Variants in ADRM1 observed in about 807,000 individuals in gnomAD.
ADRM1 encodes proteasomal ubiquitin receptor ADRM1.
Under a neutral mutation model 40.1 loss-of-function variants are expected in ADRM1, and 2 were observed. That is an observed-to-expected ratio of 0.05 (90% CI 0.02 to 0.16). The LOEUF (loss-of-function observed/expected upper bound fraction) is 0.16. ADRM1 is among the 10% of genes least tolerant of loss of function. The probability of loss-of-function intolerance (pLI) is 1.00; values close to 1 mark genes in which losing one functional copy is unlikely to be tolerated. For missense variants in ADRM1, 467 were observed against 552.5 expected (o/e 0.85, Z 1.55); for synonymous variants, 287 against 240.4 (o/e 1.19, Z -1.79).
Position 62,308,162 on chromosome 20 carries a change from C to T in ADRM1, c.998C>T (p.Ser333Leu), listed in dbSNP as rs747640477. Residue 333 changes from serine (S) to leucine (L), a missense_variant, in exon 8 of 10, where the codon TCG (serine) becomes TTG (leucine). Physicochemically the swap from Ser to Leu is moderately radical, Grantham distance 145. Around this residue, in one of 3 missense-constraint regions of ADRM1, gnomAD observed 418 missense variants for 474.6 expected, o/e 0.88. Transcript: ENST00000253003. ...GATGAGATCCAGAATACCCTGACCT[C>T]GCCCCAGTTCCAGCAGGTAGAGGCC... ...TADEIQNTLT[S>L]PQFQQALGMF... 7.5e-6 allele frequency: 12 copies of T among 1,604,220 alleles called. No homozygotes were observed. Among genetic ancestry groups the T allele is most frequent in the African/African-American group, 1.3e-5 (1 of 74,916 alleles).
At chr20:62,308,616 A>C (rs1300778188) in intron 9 of ADRM1, 39 bp from the exon 10 acceptor site, 5 of 1,610,044 alleles carry the variant, frequency 3.1e-6, no homozygotes, top group Non-Finnish European at 3.4e-6. Flanking sequence ...AGTTCTGGGC[A>C]AGGGTTAGAC....
intron 3 of ADRM1, 69 bp from the exon 4 acceptor site, chr20:62,306,128 G>A: frequency 6.4e-7 from 1 of 1,565,172 alleles, no homozygotes; most frequent in Non-Finnish European, 8.7e-7. Flanking sequence ...AGCCAGGTCA[G>A]AGGATGGCTG....
intron 3 of ADRM1, chr20:62,305,881 G>A (rs1340092742): frequency 3.2e-5 from 11 of 344,552 alleles, no homozygotes; most frequent in Non-Finnish European, 5.0e-5. Flanking sequence ...AGGGCAGGAG[G>A]GTGAGAGGGC....
intron 3 of ADRM1, 73 bp from the exon 4 acceptor site, chr20:62,306,124 G>T: frequency 6.4e-7 from 1 of 1,560,868 alleles, no homozygotes; most frequent in Non-Finnish European, 8.7e-7. Context: ...TGGAAGCCAG[G>T]TCAGAGGATG....
Position 62,307,399 on chromosome 20 carries a change from C to T in ADRM1, c.570C>T (p.Gly190=). Residue 190 remains glycine, a synonymous_variant, in exon 6 of 10, where the codon GGC becomes GGT. Coordinates refer to ENST00000253003, the MANE Select transcript of ADRM1 (RefSeq NM_007002.4). ...GGCTGGGGGCCCTGACTGGACCTGG[C>T]CTGGCCAGCTTACTGGGGAGCAGTG... ...LGGLGALTGP[G]LASLLGSSGP... The T allele has an allele frequency of 6.2e-7, 1 of 1,605,306 alleles. No individual in the cohort carries two copies. Among genetic ancestry groups the T allele is most frequent in the East Asian group, 2.2e-5 (1 of 44,854 alleles).
chr20:62,307,859 G>C, intron 7 of ADRM1, 31 bp downstream of exon 7: 1 of 1,576,056 alleles, frequency 6.3e-7, no homozygotes. Flanking sequence ...GAGCTGGGTG[G>C]GGGGCATGGG....
At position 62,308,163 on chromosome 20, in the gene ADRM1, G is replaced by A. The variant is rs769213404; in HGVS notation, c.999G>A (p.Ser333=). 2.9e-5 allele frequency: 46 copies of A among 1,604,082 alleles called. No individual in the cohort carries two copies. The East Asian group carries it at 3.8e-4, about 13-fold the overall frequency. The part of the protein sequence containing the change: ...TADEIQNTLT[S]PQFQQALGMF... ...ATGAGATCCAGAATACCCTGACCTC[G>A]CCCCAGTTCCAGCAGGTAGAGGCCG... Residue 333 remains serine (S), a synonymous_variant, in exon 8 of 10, where the codon TCG becomes TCA. Transcript: ENST00000253003.
At chr20:62,307,557 G>A in intron 6 of ADRM1, 39 bp from the exon 7 acceptor site, 1 of 1,602,148 alleles carries the variant, frequency 6.2e-7, no homozygotes, top group Non-Finnish European at 8.5e-7. Context: ...CCTGCCGTGT[G>A]GGGCGTGTCC....
chr20:62,306,850 T>C, intron 5 of ADRM1, 116 bp downstream of exon 5: 2 of 1,033,674 alleles, frequency 1.9e-6, no homozygotes, highest in Non-Finnish European at 2.8e-6. Context: ...GGAGCCTGTG[T>C]GTCCGCAAGC....
rs771496498 is a variant in ADRM1, at chr20:62,304,451, G to T, written c.214-10G>T. 1 of 1,611,626 alleles carries T rather than the reference G, an allele frequency of 6.2e-7. No individual in the cohort carries two copies. Among genetic ancestry groups the T allele is most frequent in the East Asian group, 2.2e-5 (1 of 44,836 alleles). On this transcript the variant is annotated splice_polypyrimidine_tract_variant and intron_variant, in intron 2 of 9. Coordinates refer to ENST00000253003, the MANE Select transcript of ADRM1 (RefSeq NM_007002.4). ...TGCGCCACTGACTCTCTCTTCCCCTGGCTTGCCAGGACTTGATCATCTTCC... is the reference window on the plus strand; with the variant it reads ...TGCGCCACTGACTCTCTCTTCCCCTTGCTTGCCAGGACTTGATCATCTTCC...
At position 62,303,781 on chromosome 20, in the gene ADRM1, C is replaced by T. The variant is rs756041119; in HGVS notation, c.213C>T (p.Asp71=). Residue 71 remains aspartate (D), a splice_region_variant and synonymous_variant, in exon 2 of 10, where the codon GAC becomes GAT. Transcript: ENST00000253003. ...ACAGGACGTCCGGGAACGTGGAAGA[C>T]GTGAGTGTCCCTGAGCCGCAGCAGC... ...WKDRTSGNVE[D]DLIIFPDDCE... is the part of the protein sequence containing the mutation. 6.2e-7 allele frequency: 1 copy of T among 1,610,004 alleles called. No homozygotes were observed. Among genetic ancestry groups the T allele is most frequent in the South Asian group, 1.1e-5 (1 of 91,080 alleles).
In ADRM1 at chr20:62,307,686, A is replaced by G. The variant is rs1985293035; in HGVS notation, c.714A>G (p.Ser238=). The G allele has an allele frequency of 1.9e-6, 3 of 1,612,274 alleles. No individual in the cohort carries two copies. The highest frequency in any genetic ancestry group is 2.2e-5 in the South Asian group (2 of 91,064). Residue 238 remains serine (S), a synonymous_variant, in exon 7 of 10, where the codon TCA becomes TCG. Coordinates refer to ENST00000253003, the MANE Select transcript of ADRM1 (RefSeq NM_007002.4). ...CCCCTTCTGCTCCAGCAGCTGCCTC[A>G]GCAACTAGCCCGAGCCCCGCGCCCA... ...TPAPSAPAAA[S]ATSPSPAPSS...
In ADRM1 at chr20:62,306,287, G is replaced by A. The variant is rs1410512783; in HGVS notation, c.421G>A (p.Gly141Arg). ...GATGCCTGGGGCGCTGGGGGCCAGCGGAAGCAGCGGCCACGAACTCTCTGC... is the reference window on the plus strand; with the variant it reads ...GATGCCTGGGGCGCTGGGGGCCAGCAGAAGCAGCGGCCACGAACTCTCTGC... ...PPMPGALGASGSSGHELSALG... is the reference protein window; with the variant it reads ...PPMPGALGASRSSGHELSALG... The change falls in exon 4 of 10, where the codon GGA becomes AGA. Residue 141 changes from glycine (G) to arginine (R), a missense_variant. Coordinates refer to ENST00000253003, the MANE Select transcript of ADRM1 (RefSeq NM_007002.4). 14 of 1,612,936 alleles carry A rather than the reference G, an allele frequency of 8.7e-6. No homozygotes were observed. The highest frequency in any genetic ancestry group is 1.6e-4 in the Middle Eastern group (1 of 6,062).
At position 62,307,362 on chromosome 20, in the gene ADRM1, C is replaced by T; in HGVS notation, c.542-9C>T. The T allele has an allele frequency of 2.5e-6, 4 of 1,598,814 alleles. No homozygotes were observed. The highest frequency in any genetic ancestry group is 1.1e-5 in the South Asian group (1 of 89,426). ...GCATCCTGAGCTCGCATTTCCTTGC[C>T]CCTCGCAGGTGGGCTGGGGGCCCTG... On this transcript the variant is annotated splice_polypyrimidine_tract_variant and intron_variant, in intron 5 of 9. Coordinates refer to ENST00000253003, the MANE Select transcript of ADRM1 (RefSeq NM_007002.4).
chr20:62,303,412 C>G lies in ADRM1; in HGVS notation c.-1-156C>G, dbSNP rs112650140. The G allele has an allele frequency of 1.7e-3, 1,257 of 725,358 alleles. 13 individuals carry two copies. The African/African-American group carries it at 0.02, about 12-fold the overall frequency. 44.9% of individuals were successfully genotyped at this position (725,358 alleles called of 1,614,324 possible). Reference sequence around the variant, plus strand: ...GTGCGGGCGGTGCGATCGTCGTGAGCGGGGCAAACGCGGAAAGGCAGCCCG... The same window carrying G: ...GTGCGGGCGGTGCGATCGTCGTGAGGGGGGCAAACGCGGAAAGGCAGCCCG... On this transcript the variant is annotated intron_variant, in intron 1 of 9. Coordinates refer to ENST00000253003, the MANE Select transcript of ADRM1 (RefSeq NM_007002.4).
At chr20:62,306,562 C>T (rs528584072) in intron 4 of ADRM1, 86 bp from the exon 5 acceptor site, 225 of 1,397,498 alleles carry the variant, frequency 1.6e-4, no homozygotes, top group Admixed American at 1.1e-3. Context: ...CAGCCGAGTG[C>T]GGTGCTCAGC....
At chr20:62,303,337 C>T (rs1262982638) in intron 1 of ADRM1, 15 of 436,348 alleles carry the variant, frequency 3.4e-5, no homozygotes, top group Non-Finnish European at 5.3e-5. Context: ...GGCGTCAAGC[C>T]TAGGGCCGGC....
chr20:62,307,939 A>C, intron 7 of ADRM1, 82 bp from the exon 8 acceptor site: 1 of 1,556,150 alleles, frequency 6.4e-7, no homozygotes, highest in South Asian at 1.2e-5. Context: ...TGCTGGGGCC[A>C]TGGGCTGAGT....
At chr20:62,303,881 C>T in intron 2 of ADRM1, 100 bp downstream of exon 2, 3 of 1,227,384 alleles carry the variant, frequency 2.4e-6, no homozygotes, top group Non-Finnish European at 2.3e-6. Context: ...CATCTGGGGA[C>T]CGCTCGTGGG....
Sources: allele counts gnomAD v4.1 joint callset, GRCh38; gene constraint gnomAD v4.1.1; regional missense constraint gnomAD v4.1.1; transcripts MANE v1.5; gene names NCBI Gene and HGNC (gene_info 2026-07-23, HGNC 2026-07-21).